STXBP5L: variants seen among roughly 807,000 people sequenced by gnomAD.
STXBP5L encodes syntaxin binding protein 5L, also known as syntaxin-binding protein 5-like.
Under a neutral mutation model 144.5 loss-of-function variants are expected in STXBP5L, and 65 were observed. The ratio of observed to expected loss-of-function variants is 0.45; its 90% CI spans 0.37 to 0.55. The LOEUF (loss-of-function observed/expected upper bound fraction) is 0.55. Ranked by LOEUF, STXBP5L falls within the 20% of genes least tolerant of loss-of-function variation. The pLI is 0.00. For missense variants in STXBP5L, 1,298 were observed against 1,405.5 expected (o/e 0.92, Z 1.22); for synonymous variants, 505 against 469.6 (o/e 1.08, Z -0.97).
chr3:120,927,643 G>A (rs866286), intron 2 of STXBP5L, among the ~76,000 whole-genome samples: 1 of 152,166 alleles, frequency 6.6e-6, no homozygotes, highest in Non-Finnish European at 1.5e-5. Flanking sequence ...TGGGATCACA[G>A]ATATGGAAAT....
chr3:121,045,731 A>T (rs531711153), intron 5 of STXBP5L, among the ~76,000 whole-genome samples, 196 bp downstream of exon 5: 1 of 152,184 alleles, frequency 6.6e-6, no homozygotes, highest in Admixed American at 6.5e-5. Flanking sequence ...CTACTAATGC[A>T]GTGTTTATTA....
intron 5 of STXBP5L, among the ~76,000 whole-genome samples, chr3:121,069,602 A>T (rs899167093): frequency 2.0e-5 from 3 of 151,944 alleles, no homozygotes; most frequent in East Asian, 1.9e-4. Flanking sequence ...TTATATTTCT[A>T]CCAGAAATAT....
chr3:121,051,921 A>G (rs1183239647), intron 5 of STXBP5L, among the ~76,000 whole-genome samples: 1 of 151,738 alleles, frequency 6.6e-6, no homozygotes, highest in Non-Finnish European at 1.5e-5. Context: ...CACCGATCCC[A>G]CAGAAATACC....
At chr3:121,032,496 A>G (rs886469328) in intron 3 of STXBP5L, among the ~76,000 whole-genome samples, 10 of 151,952 alleles carry the variant, frequency 6.6e-5, no homozygotes, top group African/African-American at 2.4e-4. Context: ...ATTACCATTC[A>G]GGACATAGGC....
chr3:121,321,047 A>G (rs2043954879), intron 20 of STXBP5L, among the ~76,000 whole-genome samples: 1 of 152,204 alleles, frequency 6.6e-6, no homozygotes, highest in African/African-American at 2.4e-5. Flanking sequence ...TGTGCATGCA[A>G]TTAAGTAGAT....
chr3:121,060,663 C>T (rs1183703345), intron 5 of STXBP5L, among the ~76,000 whole-genome samples: 1 of 152,164 alleles, frequency 6.6e-6, no homozygotes, highest in African/African-American at 2.4e-5. Context: ...TGTTATTGGT[C>T]TATTCAGGGA....
intron 5 of STXBP5L, among the ~76,000 whole-genome samples, chr3:121,089,928 TTTAC>T (rs1283425916): frequency 6.6e-6 from 1 of 152,208 alleles, no homozygotes; most frequent in South Asian, 2.1e-4. Context: ...ATTGGTTCTT[TTTAC>T]TTACTTTTTC....
chr3:120,999,564 A>C (rs1450868224), intron 3 of STXBP5L, among the ~76,000 whole-genome samples: 1 of 151,600 alleles, frequency 6.6e-6, no homozygotes, highest in Non-Finnish European at 1.5e-5. Context: ...CATTTAGCCC[A>C]TTTATGTTCA....
intron 5 of STXBP5L, among the ~76,000 whole-genome samples, chr3:121,072,456 A>T (rs977796023): frequency 6.6e-6 from 1 of 152,250 alleles, no homozygotes; most frequent in Non-Finnish European, 1.5e-5. Context: ...TTTCTAATGC[A>T]GTTTTTCCCA....
At chr3:121,074,074 A>C (rs2041919937) in intron 5 of STXBP5L, among the ~76,000 whole-genome samples, 1 of 152,158 alleles carries the variant, frequency 6.6e-6, no homozygotes, top group African/African-American at 2.4e-5. Context: ...CACAGGGGTC[A>C]CTTGGTGGCA....
chr3:120,931,096 CTTT>C (rs76276771), intron 2 of STXBP5L, among the ~76,000 whole-genome samples: 5 of 136,196 alleles, frequency 3.7e-5, no homozygotes, highest in Non-Finnish European at 3.2e-5. Context: ...TGGGTTTTCT[CTTT>C]TTTTTTTTTT....
chr3:121,293,329 T>C (rs911036696), intron 19 of STXBP5L, among the ~76,000 whole-genome samples: 1 of 152,002 alleles, frequency 6.6e-6, no homozygotes, highest in African/African-American at 2.4e-5. Context: ...GGGACACATA[T>C]GGTGAGGGCT....
intron 3 of STXBP5L, among the ~76,000 whole-genome samples, chr3:120,970,682 C>G (rs1940143562): frequency 1.3e-5 from 2 of 152,082 alleles, no homozygotes; most frequent in African/African-American, 4.8e-5. Flanking sequence ...CCTGAACTTC[C>G]TATACCTGGA....
intron 5 of STXBP5L, among the ~76,000 whole-genome samples, chr3:121,091,288 A>G (rs2042777670): frequency 6.8e-6 from 1 of 147,414 alleles, no homozygotes; most frequent in Non-Finnish European, 1.5e-5. Context: ...CTTTGGGTAT[A>G]TACCCAGTAA....
intron 23 of STXBP5L, among the ~76,000 whole-genome samples, chr3:121,409,791 G>C (rs1041406717): frequency 2.0e-5 from 3 of 151,818 alleles, no homozygotes; most frequent in Non-Finnish European, 4.4e-5. Context: ...TTGAATAGTT[G>C]CAACAGAGAC....
intron 7 of STXBP5L, among the ~76,000 whole-genome samples, chr3:121,141,943 G>T (rs1056877962): frequency 6.6e-6 from 1 of 151,728 alleles, no homozygotes; most frequent in Non-Finnish European, 1.5e-5. Flanking sequence ...CTCCCCAATC[G>T]AAAGATACAA....
chr3:121,393,910 G>T (rs907027566), intron 22 of STXBP5L, among the ~76,000 whole-genome samples: 2 of 152,068 alleles, frequency 1.3e-5, no homozygotes, highest in Non-Finnish European at 2.9e-5. Context: ...TGGCTATTCA[G>T]ACTGTTTTGG....
intron 19 of STXBP5L, among the ~76,000 whole-genome samples, chr3:121,308,327 G>A (rs549489590): frequency 2.6e-5 from 4 of 152,262 alleles, no homozygotes; most frequent in African/African-American, 9.6e-5. Flanking sequence ...AGGTGAAATA[G>A]ACATTGTCAG....
chr3:121,121,621 G>A lies in STXBP5L; in HGVS notation c.606-20G>A, dbSNP rs984079619. On this transcript the variant is annotated intron_variant, in intron 6 of 26. Transcript: ENST00000471454. ...TTTTAATGTTTGGTTTTTAATTACTGTTTTGAATTGATTTAACAGATCCAC... is the reference window on the plus strand; with the variant it reads ...TTTTAATGTTTGGTTTTTAATTACTATTTTGAATTGATTTAACAGATCCAC... 6.3e-7 allele frequency: 1 copy of A among 1,575,282 alleles called. No homozygotes were observed. Among genetic ancestry groups the A allele is most frequent in the African/African-American group, 1.3e-5 (1 of 74,276 alleles).
Sources: allele counts gnomAD v4.1 joint callset (sites outside exome capture counted in the v4.1 genomes callset), GRCh38; gene constraint gnomAD v4.1.1; transcripts MANE v1.5; gene names NCBI Gene and HGNC (gene_info 2026-07-23, HGNC 2026-07-21).